Variants in DAPK1 observed in about 807,000 individuals in gnomAD.
DAPK1 encodes the protein death-associated protein kinase 1.
In DAPK1, 56 loss-of-function variants were observed where a neutral mutation model predicts 144.9. The ratio of observed to expected loss-of-function variants is 0.39; its 90% confidence interval spans 0.31 to 0.48. The LOEUF (loss-of-function observed/expected upper bound fraction) is 0.48, where lower values mean the gene tolerates loss of function less well. Ranked by LOEUF, DAPK1 falls within the 20% of genes least tolerant of loss-of-function variation. The pLI is 0.95. For synonymous variants in DAPK1, 690 were observed against 749.0 expected (o/e 0.92, Z 1.29); for missense variants, 1,454 against 1,875.4 (o/e 0.78, Z 4.15).
rs1030445842 is a variant in DAPK1, at chr9:87,675,473, G to C, written c.2002-5931G>C. On this transcript the variant is annotated intron_variant, in intron 19 of 25. Transcript: ENST00000408954. ...CAAAGAAGGAGGGTAACTGGGCTAG[G>C]GTCAGAGGATGTACCTGGGTGTGCA... 2.0e-5 allele frequency among the ~76,000 whole-genome samples: 3 copies of C among 152,092 alleles called. No individual in the cohort carries two copies. In the South Asian group the frequency reaches 6.2e-4, roughly 32 times the overall value.
intron 19 of DAPK1, among the ~76,000 whole-genome samples, chr9:87,680,285 C>T (rs1226413402): frequency 6.6e-6 from 1 of 151,720 alleles, no homozygotes; most frequent in Non-Finnish European, 1.5e-5. Context: ...TTTGTATTTT[C>T]GGTAGAGACG....
chr9:87,565,594 T>C (rs1164226844), intron 2 of DAPK1, among the ~76,000 whole-genome samples: 1 of 54,162 alleles, frequency 1.8e-5, no homozygotes, highest in East Asian at 3.1e-4. Context: ...GAAGGCTGAA[T>C]GTTGTGATGT....
intron 2 of DAPK1, among the ~76,000 whole-genome samples, chr9:87,595,852 TC>T (rs1438258973): frequency 1.3e-5 from 2 of 152,178 alleles, no homozygotes; most frequent in Non-Finnish European, 2.9e-5. Flanking sequence ...AAACTCTGCT[TC>T]TCCCTGTTGG....
intron 2 of DAPK1, among the ~76,000 whole-genome samples, chr9:87,550,293 T>C (rs893603465): frequency 3.3e-5 from 5 of 152,270 alleles, no homozygotes; most frequent in African/African-American, 9.6e-5. Flanking sequence ...GTGTTTATTA[T>C]TTTGTGCAAG....
intron 2 of DAPK1, among the ~76,000 whole-genome samples, chr9:87,538,532 A>G (rs1424179928): frequency 6.6e-6 from 1 of 152,240 alleles, no homozygotes; most frequent in Non-Finnish European, 1.5e-5. Flanking sequence ...ACTGAAGTCC[A>G]CTGAAATCTT....
intron 2 of DAPK1, among the ~76,000 whole-genome samples, chr9:87,542,029 A>C (rs1323442282): frequency 6.6e-6 from 1 of 152,268 alleles, no homozygotes; most frequent in Non-Finnish European, 1.5e-5. Context: ...TGACAGCAGC[A>C]GGAATTATAA....
At chr9:87,662,566 T>TTTTG (rs1554700250) in intron 18 of DAPK1, among the ~76,000 whole-genome samples, 1 of 129,726 alleles carries the variant, frequency 7.7e-6, no homozygotes, top group Non-Finnish European at 1.6e-5. Flanking sequence ...CCTAGTTTTT[T>TTTTG]TTTTTTTTTT....
rs1440424215 is a variant in DAPK1 at position 87,649,871 on chromosome 9, G to A, written c.1429-50G>A. 5 of 1,589,822 alleles carry A rather than the reference G, an allele frequency of 3.1e-6. No homozygotes were observed. The East Asian group carries it at 1.1e-4, about 36-fold the overall frequency. On this transcript the variant is annotated intron_variant, in intron 15 of 25. Transcript: ENST00000408954. ...GGACTCTCACCTTGCTTTATACTTT[G>A]TTTCTCATTATTGTGTTCTCCTCCT...
Position 87,571,476 on chromosome 9 carries a change from A to ACCCCAAC in DAPK1, c.63-33478_63-33477insCCCCAAC, listed in dbSNP as rs771023885. ...ACACACACACACACACACACACACC[A>ACCCCAAC]ACACACACACACACACACCCCAACA... On this transcript the variant is annotated intron_variant, in intron 2 of 25. Transcript: ENST00000408954. 1.1e-3 allele frequency among the ~76,000 whole-genome samples: 55 copies of ACCCCAAC among 48,558 alleles called. 6 individuals are homozygous for ACCCCAAC. Among genetic ancestry groups the ACCCCAAC allele is most frequent in the Non-Finnish European group, 1.3e-3 (35 of 26,900 alleles). The allele number at this position is 48,558 out of a possible 152,430, so 31.9% of individuals were successfully genotyped here. A position where few individuals can be genotyped will look rare whatever the true frequency, so the allele number is the denominator to read the frequency against.
chr9:87,539,346 A>G (rs1825961602), intron 2 of DAPK1, among the ~76,000 whole-genome samples: 1 of 152,018 alleles, frequency 6.6e-6, no homozygotes, highest in Non-Finnish European at 1.5e-5. Flanking sequence ...TTCTGAGCTT[A>G]AAGTTACCCA....
intron 3 of DAPK1, among the ~76,000 whole-genome samples, chr9:87,606,967 C>T (rs2118972332): frequency 6.6e-6 from 1 of 151,754 alleles, no homozygotes; most frequent in Non-Finnish European, 1.5e-5. Flanking sequence ...ATTCCAGTAG[C>T]ACTCTTCCCC....
At chr9:87,604,333 G>A (rs1318326200) in intron 2 of DAPK1, among the ~76,000 whole-genome samples, 2 of 152,146 alleles carry the variant, frequency 1.3e-5, no homozygotes, top group African/African-American at 4.8e-5. Context: ...GGGTGGAATC[G>A]GCTTCCCCAA....
chr9:87,662,798 A>C (rs1052823698), intron 18 of DAPK1, among the ~76,000 whole-genome samples: 2 of 151,914 alleles, frequency 1.3e-5, no homozygotes, highest in African/African-American at 2.4e-5. Flanking sequence ...CCTCTTTTCC[A>C]ATTTGGATGC....
chr9:87,638,085 C>A lies in DAPK1; in HGVS notation c.423+4C>A. 6.2e-7 allele frequency: 1 copy of A among 1,609,146 alleles called. No homozygotes were observed. The highest frequency in any genetic ancestry group is 1.1e-5 in the South Asian group (1 of 90,574). On this transcript the variant is annotated splice_donor_region_variant and intron_variant, in intron 4 of 25. Transcript: ENST00000408954. Reference sequence around the variant, plus strand: ...AATCGCCCACTTTGATCTTAAGGTACGTTTCAAAGTGTAAGCCAGATAGAA... The same window carrying A: ...AATCGCCCACTTTGATCTTAAGGTAAGTTTCAAAGTGTAAGCCAGATAGAA...
Position 87,702,658 on chromosome 9 carries a change from TAA to T in DAPK1, c.2872-369_2872-368del, listed in dbSNP as rs1825494831. On this transcript the variant is annotated intron_variant, in intron 24 of 25. Coordinates refer to ENST00000408954, the MANE Select transcript of DAPK1 (RefSeq NM_004938.4). ...GACTCAAAATCTATTTAACATGAACTAAAGAGCCTTTATAAAACTTTATATTT... is the reference window on the plus strand; with the variant it reads ...GACTCAAAATCTATTTAACATGAACTAGAGCCTTTATAAAACTTTATATTT... 2.0e-5 allele frequency among the ~76,000 whole-genome samples: 3 copies of T among 152,260 alleles called. No individual in the cohort carries two copies. The South Asian group carries it at 6.2e-4, about 32-fold the overall frequency.
chr9:87,564,590 G>A (rs1827048082), intron 2 of DAPK1, among the ~76,000 whole-genome samples: 1 of 151,476 alleles, frequency 6.6e-6, no homozygotes, highest in South Asian at 2.1e-4. Flanking sequence ...GAGGGAGGGA[G>A]GGGGAGAGAG....
chr9:87,655,355 C>CT (rs1421871027), intron 17 of DAPK1, among the ~76,000 whole-genome samples: 1 of 151,776 alleles, frequency 6.6e-6, no homozygotes, highest in African/African-American at 2.4e-5. Flanking sequence ...GCTTGTTTTG[C>CT]TATTTTTTTT....
intron 17 of DAPK1, among the ~76,000 whole-genome samples, chr9:87,652,475 G>A (rs11141928): frequency 3.1e-3 from 177 of 56,288 alleles, no homozygotes; most frequent in African/African-American, 5.6e-3. Context: ...ACCTGATCCC[G>A]GGTCCTGATT....
At chr9:87,702,956 C>CT (rs1205764540) in intron 24 of DAPK1, 73 bp from the exon 25 acceptor site, 6 of 717,378 alleles carry the variant, frequency 8.4e-6, no homozygotes, top group Non-Finnish European at 1.3e-5. Context: ...GAAAGGTGTC[C>CT]TTTCCACTGT....
Sources: gnomAD v4.1 joint callset for allele counts (sites outside exome capture counted in the v4.1 genomes callset) on GRCh38, gnomAD v4.1.1 for gene constraint, MANE v1.5 for transcripts, NCBI Gene and HGNC (gene_info 2026-07-23, HGNC 2026-07-21) for gene names.